The following SNX9 variants were observed in gnomAD, a reference collection of about 807,000 sequenced individuals.
SNX9 encodes the protein sorting nexin-9.
Under a neutral mutation model 89.4 loss-of-function variants are expected in SNX9, and 44 were observed. The ratio of observed to expected loss-of-function variants is 0.49; its 90% CI spans 0.39 to 0.63. The LOEUF (loss-of-function observed/expected upper bound fraction) is 0.63. Ranked by LOEUF, SNX9 falls within the 30% of genes least tolerant of loss-of-function variation. The probability of loss-of-function intolerance (pLI) is 0.00; values close to 1 mark genes in which losing one functional copy is unlikely to be tolerated. For missense variants in SNX9, 578 were observed against 736.1 expected, an observed-to-expected ratio of 0.79 and a Z score of 2.49; for synonymous variants, 236 against 247.8, an observed-to-expected ratio of 0.95 and a Z score of 0.45.
At chr6:157,828,226 A>G (rs1296109992) in intron 1 of SNX9, among the ~76,000 whole-genome samples, 2 of 151,842 alleles carry the variant, frequency 1.3e-5, no homozygotes, top group Admixed American at 6.6e-5. Flanking sequence ...CAGTATTTGT[A>G]TAGTCAAAGA....
chr6:157,924,275 A>G lies in SNX9; in HGVS notation c.1080+2614A>G, dbSNP rs560462249. On this transcript the variant is annotated intron_variant, in intron 10 of 17. Transcript: ENST00000392185. ...TAAGAAAAAAAAAATCCCAGAGGTA[A>G]AATGGAGGAGAATACCTATGAAACA... The G allele has an allele frequency of 1.2e-4, 18 of 152,214 alleles. No homozygotes were observed. The East Asian group carries it at 3.1e-3, about 26-fold the overall frequency. The allele number at this position is 152,214 out of a possible 1,614,324, so 9.4% of individuals were successfully genotyped here. A position where few individuals can be genotyped will look rare whatever the true frequency, so the allele number is the denominator to read the frequency against.
At chr6:157,936,970 T>TA (rs1316585851) in intron 14 of SNX9, among the ~76,000 whole-genome samples, 1 of 149,848 alleles carries the variant, frequency 6.7e-6, no homozygotes, top group African/African-American at 2.5e-5. Context: ...ACTTTGCTGA[T>TA]ACTTCTAAAA....
intron 9 of SNX9, among the ~76,000 whole-genome samples, chr6:157,918,951 A>T (rs147280831): frequency 5.2e-4 from 79 of 152,216 alleles, no homozygotes; most frequent in Admixed American, 4.4e-3. Context: ...TGTGGTAATT[A>T]CTGCTTTCTA....
At chr6:157,916,036 CTTT>C (rs1240251607) in intron 9 of SNX9, among the ~76,000 whole-genome samples, 1 of 142,706 alleles carries the variant, frequency 7.0e-6, no homozygotes, top group Non-Finnish European at 1.5e-5. Context: ...TTTGTCTTTT[CTTT>C]TTTTTTTTTG....
chr6:157,842,141 A>G (rs1428326228), intron 1 of SNX9, among the ~76,000 whole-genome samples: 1 of 152,240 alleles, frequency 6.6e-6, no homozygotes, highest in East Asian at 1.9e-4. Flanking sequence ...ATCTTCAAAT[A>G]TCCAGTCTGT....
At chr6:157,865,925 G>A (rs1168355970) in intron 1 of SNX9, among the ~76,000 whole-genome samples, 2 of 152,108 alleles carry the variant, frequency 1.3e-5, no homozygotes, top group Non-Finnish European at 2.9e-5. Flanking sequence ...TAGCCCTGTC[G>A]CTAAACTTGA....
intron 17 of SNX9, 25 bp downstream of exon 17, chr6:157,940,999 C>T (rs1168109156): frequency 1.5e-5 from 24 of 1,597,384 alleles, no homozygotes; most frequent in South Asian, 2.2e-5. Context: ...ACGTGCCTTT[C>T]GCATGTGCTT....
intron 1 of SNX9, among the ~76,000 whole-genome samples, chr6:157,824,252 C>T (rs1199982340): frequency 2.0e-5 from 3 of 152,150 alleles, no homozygotes; most frequent in Admixed American, 6.5e-5. Flanking sequence ...TTTTCAAAAG[C>T]CACCCTCCCC....
intron 2 of SNX9, among the ~76,000 whole-genome samples, chr6:157,868,091 A>AT (rs1429708243): frequency 1.3e-5 from 2 of 152,170 alleles, no homozygotes; most frequent in Non-Finnish European, 2.9e-5. Flanking sequence ...TCCTATCATC[A>AT]TTTTTCTAAG....
chr6:157,906,263 T>A, intron 7 of SNX9, 51 bp downstream of exon 7: 1 of 1,413,244 alleles, frequency 7.1e-7, no homozygotes, highest in Non-Finnish European at 9.8e-7. Flanking sequence ...CTCTTTCTTA[T>A]ACCGTACTTT....
At chr6:157,933,624 A>G (rs1272483170) in intron 13 of SNX9, among the ~76,000 whole-genome samples, 1 of 152,218 alleles carries the variant, frequency 6.6e-6, no homozygotes, top group African/African-American at 2.4e-5. Context: ...TGGCCCAGGT[A>G]ACAAGTGGGT....
chr6:157,881,082 T>G (rs1260931434), intron 4 of SNX9, among the ~76,000 whole-genome samples: 10 of 152,220 alleles, frequency 6.6e-5, no homozygotes, highest in Admixed American at 5.9e-4. Flanking sequence ...AATGCATTAT[T>G]TACAGATTGA....
At chr6:157,855,334 G>T (rs1209126597) in intron 1 of SNX9, among the ~76,000 whole-genome samples, 1 of 152,094 alleles carries the variant, frequency 6.6e-6, no homozygotes, top group African/African-American at 2.4e-5. Context: ...TATTCTGGGT[G>T]GCATTGCAGT....
intron 1 of SNX9, among the ~76,000 whole-genome samples, chr6:157,833,866 C>G (rs1781520724): frequency 6.6e-6 from 1 of 152,176 alleles, no homozygotes; most frequent in Non-Finnish European, 1.5e-5. Context: ...GAACTGGGTC[C>G]ATTTGCCCAT....
At position 157,896,816 on chromosome 6, in the gene SNX9, C is replaced by A; in HGVS notation, c.301-11C>A. The A allele has an allele frequency of 1.2e-6, 2 of 1,611,784 alleles. No homozygotes were observed. Among genetic ancestry groups the A allele is most frequent in the South Asian group, 1.1e-5 (1 of 90,508 alleles). On this transcript the variant is annotated splice_polypyrimidine_tract_variant and intron_variant, in intron 4 of 17. Transcript: ENST00000392185. Reference sequence around the variant, plus strand: ...CACAAAAATTCTCCTTCTTTTTACCCCTCTCAATAGGTTGGCAGTGGCAAT... The same window carrying A: ...CACAAAAATTCTCCTTCTTTTTACCACTCTCAATAGGTTGGCAGTGGCAAT...
At chr6:157,830,131 A>G (rs1350745686) in intron 1 of SNX9, 1 of 152,208 alleles carries the variant, frequency 6.6e-6, no homozygotes, top group Non-Finnish European at 1.5e-5. Context: ...TTATTTTTAT[A>G]CAGTTAAATG....
intron 4 of SNX9, among the ~76,000 whole-genome samples, chr6:157,895,950 A>G (rs1303472811): frequency 6.6e-6 from 1 of 152,250 alleles, no homozygotes; most frequent in Non-Finnish European, 1.5e-5. Context: ...CATAATAAGG[A>G]GTCCCCTCTG....
At chr6:157,856,554 A>G (rs528774374) in intron 1 of SNX9, among the ~76,000 whole-genome samples, 4 of 152,346 alleles carry the variant, frequency 2.6e-5, no homozygotes, top group South Asian at 4.1e-4. Context: ...TAAGAATTCA[A>G]ATTTCATAAT....
At chr6:157,896,091 G>A (rs1042785859) in intron 4 of SNX9, among the ~76,000 whole-genome samples, 8 of 152,122 alleles carry the variant, frequency 5.3e-5, no homozygotes, top group Admixed American at 6.5e-5. Context: ...GGGAGTGCTC[G>A]TTCTAGATTG....
Sources: gnomAD v4.1 joint callset for allele counts (sites outside exome capture counted in the v4.1 genomes callset) on GRCh38, gnomAD v4.1.1 for gene constraint, MANE v1.5 for transcripts, NCBI Gene and HGNC (gene_info 2026-07-23, HGNC 2026-07-21) for gene names.